The following APBB2 variants were observed in gnomAD, a reference collection of about 807,000 sequenced individuals.
The protein encoded by APBB2 is amyloid beta precursor protein binding family B member 2.
In APBB2, 38 loss-of-function variants were observed where a neutral mutation model predicts 82.5. That is an observed-to-expected ratio of 0.46 (90% CI 0.36 to 0.60). The LOEUF is 0.60. Ranked by LOEUF, APBB2 falls within the 20% of genes least tolerant of loss-of-function variation. APBB2 has a pLI of 0.00. For synonymous variants in APBB2, 341 were observed against 368.2 expected (o/e 0.93, Z 0.85); for missense variants, 772 against 972.3 (o/e 0.79, Z 2.74).
At chr4:41,064,071 C>T (rs1008950006) in intron 4 of APBB2, among the ~76,000 whole-genome samples, 1 of 144,520 alleles carries the variant, frequency 6.9e-6, no homozygotes, top group African/African-American at 2.6e-5. Context: ...CTCCGCTTCC[C>T]GGGTTCACGC....
intron 1 of APBB2, among the ~76,000 whole-genome samples, chr4:41,180,288 T>C (rs1221851287): frequency 6.6e-6 from 1 of 152,192 alleles, no homozygotes; most frequent in Non-Finnish European, 1.5e-5. Context: ...GGTGGGGTTA[T>C]GTGTGCTTGA....
At chr4:41,130,319 C>T (rs182138335) in intron 2 of APBB2, among the ~76,000 whole-genome samples, 4 of 152,282 alleles carry the variant, frequency 2.6e-5, no homozygotes, top group African/African-American at 9.6e-5. Flanking sequence ...GGACATGTTT[C>T]CAAGGTCCAT....
intron 3 of APBB2, among the ~76,000 whole-genome samples, chr4:41,077,612 T>C (rs1372058016): frequency 6.6e-6 from 1 of 152,098 alleles, no homozygotes; most frequent in Admixed American, 6.6e-5. Flanking sequence ...GGGAAAGTAA[T>C]CTCCAACTTT....
chr4:41,097,522 A>G (rs1356877021), intron 3 of APBB2, among the ~76,000 whole-genome samples: 1 of 152,232 alleles, frequency 6.6e-6, no homozygotes, highest in Admixed American at 6.5e-5. Context: ...GTAGGTAAAT[A>G]CTTATTAGCA....
chr4:41,174,195 C>A (rs1028476542), intron 1 of APBB2, among the ~76,000 whole-genome samples: 1 of 152,166 alleles, frequency 6.6e-6, no homozygotes, highest in Non-Finnish European at 1.5e-5. Context: ...AAAGAATCAA[C>A]TACTGAGATT....
intron 4 of APBB2, among the ~76,000 whole-genome samples, chr4:41,043,581 C>T (rs1282630294): frequency 6.6e-6 from 1 of 152,138 alleles, no homozygotes; most frequent in Non-Finnish European, 1.5e-5. Flanking sequence ...AAATAGCTTA[C>T]TACAAAGAAA....
Position 40,846,326 on chromosome 4 carries a change from CAA to C in APBB2, c.1530-15751_1530-15750del, listed in dbSNP as rs3086182. On this transcript the variant is annotated intron_variant, in intron 12 of 17. Transcript: ENST00000508593. ...TCAAGGCCCTCGGATGAAAACACTC[CAA>C]AAAAAAAAAAAAAAAAAAAAGTGCA... Among the ~76,000 whole-genome samples, 248 of 62,498 alleles carry C rather than the reference CAA, an allele frequency of 4.0e-3. 1 individual carries two copies. Among genetic ancestry groups the C allele is most frequent in the African/African-American group, 0.015 (225 of 15,424 alleles). The allele number at this position is 62,498 out of a possible 152,430, so 41.0% of individuals were successfully genotyped here. A position where few individuals can be genotyped will look rare whatever the true frequency, so the allele number is the denominator to read the frequency against.
At chr4:40,955,414 A>G (rs1043809165) in intron 6 of APBB2, among the ~76,000 whole-genome samples, 1 of 152,260 alleles carries the variant, frequency 6.6e-6, no homozygotes, top group Non-Finnish European at 1.5e-5. Context: ...TCCTTTATGC[A>G]AAGGATTATC....
At position 40,823,844 on chromosome 4, in the gene APBB2, G is replaced by A. The variant is rs1413986039; in HGVS notation, c.1817-85C>T. 23 of 797,550 alleles carry A rather than the reference G, an allele frequency of 2.9e-5. 1 individual carries two copies. The highest frequency in any genetic ancestry group is 1.1e-4 in the South Asian group (8 of 71,336). The allele number at this position is 797,550 out of a possible 1,614,324, so 49.4% of individuals were successfully genotyped here. A position where few individuals can be genotyped will look rare whatever the true frequency, so the allele number is the denominator to read the frequency against. The stretch of plus-strand genomic sequence containing the variant: ...GGCCCAAATCACCAATAACAGCTAC[G>A]CCCAGACTGATCTTTTTTTAATAGA... On this transcript the variant is annotated intron_variant, in intron 15 of 17. Coordinates refer to ENST00000508593, the MANE Select transcript of APBB2 (RefSeq NM_004307.2).
In APBB2 at chr4:40,832,011, TATAC is replaced by T. The variant is rs1434201974; in HGVS notation, c.1530-1438_1530-1435del. 7.7e-4 allele frequency among the ~76,000 whole-genome samples: 38 copies of T among 49,580 alleles called. No individual in the cohort carries two copies. Among genetic ancestry groups the T allele is most frequent in the African/African-American group, 1.9e-3 (36 of 19,152 alleles). 32.5% of individuals were successfully genotyped at this position (49,580 alleles called of 152,430 possible). On this transcript the variant is annotated intron_variant, in intron 12 of 17. Transcript: ENST00000508593. This position sits in a 1 kb window ranked among gnomAD's most constrained non-coding sequence, Gnocchi z 4.8. ...ACACACATATTTATATATTTATTTA[TATAC>T]ACACACACACACACACACACACACA...
At chr4:41,027,364 C>CATATAT (rs36224955) in intron 5 of APBB2, among the ~76,000 whole-genome samples, 1,649 of 126,846 alleles carry the variant, frequency 0.013, 25 homozygotes, top group Non-Finnish European at 0.015. Flanking sequence ...CATATTGTTA[C>CATATAT]ATATATATAT....
At chr4:40,939,064 A>T (rs574291121) in intron 7 of APBB2, among the ~76,000 whole-genome samples, 1 of 152,292 alleles carries the variant, frequency 6.6e-6, no homozygotes, top group South Asian at 2.1e-4. Context: ...AGGGCTCTGC[A>T]GAGAGTCCCC....
intron 3 of APBB2, among the ~76,000 whole-genome samples, chr4:41,097,944 C>A (rs1345206299): frequency 6.6e-6 from 1 of 152,016 alleles, no homozygotes; most frequent in Non-Finnish European, 1.5e-5. Context: ...GTATCCCTTA[C>A]AGTTTTCAAA....
intron 1 of APBB2, among the ~76,000 whole-genome samples, chr4:41,188,275 C>T (rs1773475753): frequency 6.6e-6 from 1 of 152,152 alleles, no homozygotes; most frequent in South Asian, 2.1e-4. Context: ...GCCCTATTGA[C>T]AAGCTACCTC....
chr4:40,916,424 C>T (rs1779848515), intron 10 of APBB2, among the ~76,000 whole-genome samples: 1 of 152,230 alleles, frequency 6.6e-6, no homozygotes, highest in Non-Finnish European at 1.5e-5. Flanking sequence ...AAGCATGTGT[C>T]ATGTTCCTAA....
chr4:41,188,079 A>G (rs1038896199), intron 1 of APBB2, among the ~76,000 whole-genome samples: 2 of 152,226 alleles, frequency 1.3e-5, no homozygotes, highest in Non-Finnish European at 2.9e-5. Context: ...TAAAGTGCCT[A>G]TAAACTGTGA....
At chr4:41,033,028 C>G (rs377689455) in intron 5 of APBB2, among the ~76,000 whole-genome samples, 1 of 151,840 alleles carries the variant, frequency 6.6e-6, no homozygotes, top group South Asian at 2.1e-4. Context: ...CGTGATCCGC[C>G]GGTCTCGGCC....
chr4:41,120,885 C>T (rs1018990166), intron 2 of APBB2, among the ~76,000 whole-genome samples: 35 of 152,202 alleles, frequency 2.3e-4, no homozygotes, highest in Admixed American at 2.0e-3. Flanking sequence ...TATCTAAAAA[C>T]TTCAGCTCTG....
chr4:40,939,379 C>T (rs537829919), intron 7 of APBB2, among the ~76,000 whole-genome samples: 89 of 152,192 alleles, frequency 5.8e-4, no homozygotes, highest in Admixed American at 2.4e-3. Flanking sequence ...ACTGGCTGCC[C>T]GAGGGTGCCC....
Sources: allele counts gnomAD v4.1 joint callset (sites outside exome capture counted in the v4.1 genomes callset), GRCh38; gene constraint gnomAD v4.1.1; non-coding constraint Gnocchi (gnomAD v3.1); transcripts MANE v1.5; gene names NCBI Gene and HGNC (gene_info 2026-07-23, HGNC 2026-07-21).